The following CAPN10 variants were observed in gnomAD, a reference collection of about 807,000 sequenced individuals.
CAPN10 encodes calpain 10.
In CAPN10, 71 loss-of-function variants were observed where a neutral mutation model predicts 78.4. The observed-to-expected ratio is 0.91, with a 90% CI of 0.75 to 1.10. The LOEUF is 1.10. Ranked by LOEUF, CAPN10 falls within the 50% of genes least tolerant of loss-of-function variation. CAPN10 has a pLI of 0.00. For missense variants in CAPN10, 849 were observed against 924.6 expected, an observed-to-expected ratio of 0.92 and a Z score of 1.06; for synonymous variants, 437 against 407.2, an observed-to-expected ratio of 1.07 and a Z score of -0.88.
In CAPN10 at chr2:240,598,342, C is replaced by T. The variant is rs749508712; in HGVS notation, c.1944-10C>T. The stretch of plus-strand genomic sequence containing the variant: ...CAGTCTGGGAGCGCTGATCTGGTGT[C>T]TCTCCACAGGCCATCCATTCACAGC... On this transcript the variant is annotated splice_polypyrimidine_tract_variant and intron_variant, in intron 10 of 11. Transcript: ENST00000391984. 1.2e-6 allele frequency: 2 copies of T among 1,613,750 alleles called. No individual in the cohort carries two copies. The highest frequency in any genetic ancestry group is 2.2e-5 in the South Asian group (2 of 91,086).
chr2:240,593,441 G>A (rs751728253), intron 4 of CAPN10, among the ~76,000 whole-genome samples: 5 of 152,262 alleles, frequency 3.3e-5, no homozygotes, highest in African/African-American at 4.8e-5. Context: ...AGGTGGAGCT[G>A]TTGCCCCCCT....
chr2:240,593,445 C>T (rs983609606), intron 4 of CAPN10, among the ~76,000 whole-genome samples: 1 of 152,242 alleles, frequency 6.6e-6, no homozygotes, highest in Admixed American at 6.5e-5. Flanking sequence ...GGAGCTGTTG[C>T]CCCCCTGGGC....
chr2:240,598,566 C>T (rs538467124), intron 11 of CAPN10, 85 bp from the exon 12 acceptor site: 18 of 1,481,570 alleles, frequency 1.2e-5, no homozygotes, highest in East Asian at 2.4e-5. Context: ...GCTGAGGCTG[C>T]GTCCCATTCC....
chr2:240,598,685 G>A lies in CAPN10; in HGVS notation c.*5G>A, dbSNP rs1305335142. ...ATGGCAGTGATGAAAACCTAACAGG[G>A]TGGCCCCCTGTGCCAGCTCAGGTGA... On this transcript the variant is annotated 3_prime_UTR_variant, in exon 12 of 12. Coordinates refer to ENST00000391984, the MANE Select transcript of CAPN10 (RefSeq NM_023083.4). 6.4e-7 allele frequency: 1 copy of A among 1,572,712 alleles called. No individual in the cohort carries two copies. Among genetic ancestry groups the A allele is most frequent in the Non-Finnish European group, 8.6e-7 (1 of 1,159,272 alleles).
intron 9 of CAPN10, among the ~76,000 whole-genome samples, 194 bp downstream of exon 9, chr2:240,597,136 C>T (rs1047237821): frequency 6.6e-6 from 1 of 152,260 alleles, no homozygotes; most frequent in African/African-American, 2.4e-5. Context: ...CGAAGATGGC[C>T]TCTGGAAGGG....
rs1285301032 is a variant in CAPN10, at chr2:240,598,978, C to T, written c.*298C>T. The T allele has an allele frequency of 1.1e-5, 6 of 521,896 alleles. No individual in the cohort carries two copies. The East Asian group carries it at 1.8e-4, about 15-fold the overall frequency. 32.3% of individuals were successfully genotyped at this position (521,896 alleles called of 1,614,324 possible). On this transcript the variant is annotated 3_prime_UTR_variant, in exon 12 of 12. Transcript: ENST00000391984. ...CTTCCCAGGATCCCTCCCAGATCCT[C>T]TGCTGACTCCATATGGAGGCCTCAC...
chr2:240,598,289 G>A, intron 10 of CAPN10, 63 bp from the exon 11 acceptor site: 1 of 1,576,068 alleles, frequency 6.3e-7, no homozygotes, highest in Non-Finnish European at 8.7e-7. Context: ...GGTGGGCCAG[G>A]AGCACACAGC....
chr2:240,590,657 TAGAGTTCTCTGCGACATCCAGGTGTGC>T, intron 2 of CAPN10, 131 bp from the exon 3 acceptor site: 1 of 608,898 alleles, frequency 1.6e-6, no homozygotes, highest in Non-Finnish European at 2.9e-6. Context: ...AGGTGTGCCG[TAGAGTTCTCTGCGACATCCAGGTGTGC>T]GTTAGAGTTC....
chr2:240,598,946 C>T lies in CAPN10; in HGVS notation c.*266C>T. ...ACTGAGACGGCAGAGACCCCAGGAT[C>T]CCAGAGCTTCCCAGGATCCCTCCCA... is the stretch of plus-strand genomic sequence containing the variant. On this transcript the variant is annotated 3_prime_UTR_variant, in exon 12 of 12. Coordinates refer to ENST00000391984, the MANE Select transcript of CAPN10 (RefSeq NM_023083.4). 1 of 554,456 alleles carries T rather than the reference C, an allele frequency of 1.8e-6. No individual in the cohort carries two copies. Among genetic ancestry groups the T allele is most frequent in the Non-Finnish European group, 3.2e-6 (1 of 308,478 alleles). The allele number at this position is 554,456 out of a possible 1,614,324, so 34.3% of individuals were successfully genotyped here.
chr2:240,589,742 G>A lies in CAPN10; in HGVS notation c.273+268G>A, dbSNP rs921085112. 3.2e-4 allele frequency: 136 copies of A among 420,102 alleles called. No individual in the cohort carries two copies. The East Asian group carries it at 5.4e-3, about 17-fold the overall frequency. The allele number at this position is 420,102 out of a possible 1,614,324, so 26.0% of individuals were successfully genotyped here. ...GCTCTCCTGACCCCCGGACTCCATG[G>A]AGTCAGATCACCACGTTTAGAATAA... is the stretch of plus-strand genomic sequence containing the variant. On this transcript the variant is annotated intron_variant, in intron 2 of 11. Transcript: ENST00000391984.
intron 2 of CAPN10, 58 bp from the exon 3 acceptor site, chr2:240,590,757 G>A (rs2093096451): frequency 1.3e-6 from 2 of 1,535,294 alleles, no homozygotes; most frequent in East Asian, 4.6e-5. Context: ...GGACACTGGA[G>A]TAGCGCCGGG....
chr2:240,590,808 A>C lies in CAPN10; in HGVS notation c.274-7A>C. 6.2e-7 allele frequency: 1 copy of C among 1,613,790 alleles called. No individual in the cohort carries two copies. The highest frequency in any genetic ancestry group is 8.5e-7 in the Non-Finnish European group (1 of 1,179,788). On this transcript the variant is annotated splice_region_variant and splice_polypyrimidine_tract_variant and intron_variant, in intron 2 of 11. Transcript: ENST00000391984. ...GCTCGCCTTTTGCTTCTCCCTGTGC[A>C]TGGCAGGTCATTCCTCCGGGACAGC...
At chr2:240,596,287 C>T in intron 7 of CAPN10, 32 bp from the exon 8 acceptor site, 1 of 1,580,622 alleles carries the variant, frequency 6.3e-7, no homozygotes, top group Non-Finnish European at 8.6e-7. Flanking sequence ...CCGGCCGCTC[C>T]TCCACACTGA....
Position 240,596,896 on chromosome 2 carries a change from G to A in CAPN10, c.1697G>A (p.Arg566Gln), listed in dbSNP as rs200753424. ...CVRITLHQHC[R>Q]PSDTEFHPIG... The stretch of plus-strand genomic sequence containing the variant: ...CGCATCACTCTGCATCAGCACTGCC[G>A]GCCCAGTGACACCGAGTTCCACCCC... The change falls in exon 9 of 12, where the codon CGG (arginine) becomes CAG (glutamine). Residue 566 changes from arginine (R) to glutamine (Q), a missense_variant. Transcript: ENST00000391984. 1.1e-5 allele frequency: 18 copies of A among 1,613,402 alleles called. No homozygotes were observed. The highest frequency in any genetic ancestry group is 3.3e-4 in the Middle Eastern group (2 of 6,082).
intron 10 of CAPN10, 75 bp downstream of exon 10, chr2:240,598,162 C>A: frequency 4.2e-6 from 6 of 1,433,864 alleles, no homozygotes; most frequent in Non-Finnish European, 5.8e-6. Flanking sequence ...TGTCCCCCCA[C>A]GTCTCCTGCC....
chr2:240,594,581 C>G lies in CAPN10; in HGVS notation c.869C>G (p.Ser290Cys), dbSNP rs137930786. Reference sequence around the variant, plus strand: ...AGCCAGGTAGATGCAGCGGTAGCATCTGAGCTCCTGTCCCAGCTCCAGGAA... The same window carrying G: ...AGCCAGGTAGATGCAGCGGTAGCATGTGAGCTCCTGTCCCAGCTCCAGGAA... ...GWSQVDAAVA[S>C]ELLSQLQEGE... The change falls in exon 6 of 12, where the codon TCT (serine) becomes TGT (cysteine). Residue 290 changes from serine to cysteine, a missense_variant. Transcript: ENST00000391984. The G allele has an allele frequency of 6.2e-7, 1 of 1,613,808 alleles. No individual in the cohort carries two copies. The highest frequency in any genetic ancestry group is 1.3e-5 in the African/African-American group (1 of 74,918).
At chr2:240,592,449 G>A (rs1217844674) in intron 4 of CAPN10, 1 of 662,318 alleles carries the variant, frequency 1.5e-6, no homozygotes, top group Non-Finnish European at 2.9e-6. Context: ...CTGGCAACCT[G>A]GCAAAATCAA....
At chr2:240,588,742 C>G (rs945103639) in intron 1 of CAPN10, among the ~76,000 whole-genome samples, 1 of 152,008 alleles carries the variant, frequency 6.6e-6, no homozygotes, top group Non-Finnish European at 1.5e-5. Flanking sequence ...GAAGAGAAGC[C>G]TGAAGGAGAC....
At position 240,594,720 on chromosome 2, in the gene CAPN10, G is replaced by A. The variant is rs111706393; in HGVS notation, c.997+11G>A. 4.8e-5 allele frequency: 78 copies of A among 1,609,196 alleles called. No homozygotes were observed. In the African/African-American group the frequency reaches 6.3e-4, roughly 13 times the overall value. ...AGAGCCTCTACACAGGTAGTGCCCC[G>A]AGGGGCTGTGCTGGGCACGTGCTCT... On this transcript the variant is annotated intron_variant, in intron 6 of 11. Coordinates refer to ENST00000391984, the MANE Select transcript of CAPN10 (RefSeq NM_023083.4).
Sources: allele counts gnomAD v4.1 joint callset (sites outside exome capture counted in the v4.1 genomes callset), GRCh38; gene constraint gnomAD v4.1.1; transcripts MANE v1.5; gene names NCBI Gene and HGNC (gene_info 2026-07-23, HGNC 2026-07-21).